ZEB1: variants seen among roughly 807,000 people sequenced by gnomAD.
ZEB1 encodes zinc finger E-box-binding homeobox 1.
ZEB1 carries 21 observed loss-of-function variants against 84.9 expected under a neutral mutation model. The ratio of observed to expected loss-of-function variants is 0.25; its 90% confidence interval spans 0.18 to 0.36. ZEB1 has a LOEUF of 0.36. ZEB1 is among the 10% of genes least tolerant of loss of function. The pLI, the probability that ZEB1 is intolerant of heterozygous loss-of-function variation, is 1.00. For missense variants in ZEB1, 1,104 were observed against 1,330.2 expected (o/e 0.83, Z 2.65); for synonymous variants, 420 against 471.1 (o/e 0.89, Z 1.41).
At chr10:31,351,155 G>T (rs1220374020) in intron 1 of ZEB1, among the ~76,000 whole-genome samples, 1 of 152,096 alleles carries the variant, frequency 6.6e-6, no homozygotes, top group Non-Finnish European at 1.5e-5. Context: ...AGAGAATTAA[G>T]AATCTGTCTT....
intron 1 of ZEB1, among the ~76,000 whole-genome samples, chr10:31,329,067 A>G (rs996906547): frequency 1.3e-5 from 2 of 152,198 alleles, no homozygotes; most frequent in East Asian, 1.9e-4. Flanking sequence ...ACCACTATGC[A>G]TGTACATTTT....
chr10:31,319,899 G>GGCGGCC (rs2033328968), intron 1 of ZEB1: 2 of 146,762 alleles, frequency 1.4e-5, no homozygotes, highest in African/African-American at 2.5e-5. Flanking sequence ...GGCGGGCTGC[G>GGCGGCC]GCGGCGGCGG....
chr10:31,365,953 G>GCCT (rs1195404327), intron 1 of ZEB1, among the ~76,000 whole-genome samples: 1 of 152,178 alleles, frequency 6.6e-6, no homozygotes, highest in Non-Finnish European at 1.5e-5. Flanking sequence ...AAACCGTTTT[G>GCCT]CCTCTTCTTT....
At chr10:31,458,583 G>T (rs544589900) in intron 1 of ZEB1, among the ~76,000 whole-genome samples, 2 of 151,820 alleles carry the variant, frequency 1.3e-5, no homozygotes, top group East Asian at 3.9e-4. Flanking sequence ...TTTCTTTATT[G>T]TATTGATATA....
chr10:31,323,804 A>G (rs2133028921), intron 1 of ZEB1, among the ~76,000 whole-genome samples: 1 of 152,134 alleles, frequency 6.6e-6, no homozygotes, highest in South Asian at 2.1e-4. Flanking sequence ...GTAGAACATT[A>G]GAAGTATTTA....
chr10:31,369,884 T>G (rs1410614707), intron 1 of ZEB1, among the ~76,000 whole-genome samples: 1 of 152,240 alleles, frequency 6.6e-6, no homozygotes, highest in Non-Finnish European at 1.5e-5. Context: ...TTTCATCTTT[T>G]TGATAAAAGC....
rs1287568889 is a variant in ZEB1 at position 31,358,027 on chromosome 10, C to G, written c.58+38735C>G. The G allele has an allele frequency of 2.0e-5, 3 of 152,084 alleles. No homozygotes were observed. In the East Asian group the frequency reaches 5.8e-4, roughly 29 times the overall value. 9.4% of individuals were successfully genotyped at this position (152,084 alleles called of 1,614,324 possible). A position where few individuals can be genotyped will look rare whatever the true frequency, so the allele number is the denominator to read the frequency against. On this transcript the variant is annotated intron_variant, in intron 1 of 8. Transcript: ENST00000424869. ...TGAGAAGTCCTTATGCACTCCTGCC[C>G]CCAACTTGCTCCTTATTGTCCTAAA...
intron 1 of ZEB1, among the ~76,000 whole-genome samples, chr10:31,384,798 A>T (rs1462287967): frequency 2.0e-5 from 3 of 152,180 alleles, no homozygotes; most frequent in African/African-American, 7.2e-5. Context: ...TCCTCTGTCT[A>T]GGGAGTTTGT....
At chr10:31,382,682 G>A (rs147517792) in intron 1 of ZEB1, among the ~76,000 whole-genome samples, 44 of 152,164 alleles carry the variant, frequency 2.9e-4, no homozygotes, top group Admixed American at 5.2e-4. Flanking sequence ...AACTCACCCA[G>A]AAGATACTTG....
At chr10:31,329,365 C>T (rs984714304) in intron 1 of ZEB1, among the ~76,000 whole-genome samples, 2 of 152,080 alleles carry the variant, frequency 1.3e-5, no homozygotes, top group African/African-American at 4.8e-5. Context: ...TTTTGTATTG[C>T]TGAGTAGTAT....
intron 1 of ZEB1, among the ~76,000 whole-genome samples, chr10:31,359,808 C>G (rs573888186): frequency 1.4e-3 from 218 of 152,212 alleles, no homozygotes; most frequent in Non-Finnish European, 2.0e-3. Context: ...TCTTTGATTG[C>G]TAGAATAGTT....
rs116534030 is a variant in ZEB1 at position 31,428,024 on chromosome 10, G to A, written c.59-33013G>A. 8.7e-3 allele frequency among the ~76,000 whole-genome samples: 1,325 copies of A among 152,178 alleles called. 11 individuals are homozygous for A. Among genetic ancestry groups the A allele is most frequent in the African/African-American group, 0.03 (1,260 of 41,480 alleles). On this transcript the variant is annotated intron_variant, in intron 1 of 8. Transcript: ENST00000424869. Reference sequence around the variant, plus strand: ...TTTTTTTCAAAAAAACTAGCTCCTGGATTCGTTGATCTTTTGAATGTTTTT... The same window carrying A: ...TTTTTTTCAAAAAAACTAGCTCCTGAATTCGTTGATCTTTTGAATGTTTTT...
At chr10:31,398,809 C>G (rs1382492330) in intron 1 of ZEB1, among the ~76,000 whole-genome samples, 2 of 152,000 alleles carry the variant, frequency 1.3e-5, no homozygotes, top group African/African-American at 4.8e-5. Context: ...TCCTACCCCT[C>G]TGGCTGCTGC....
At chr10:31,456,068 T>C (rs1408156591) in intron 1 of ZEB1, among the ~76,000 whole-genome samples, 2 of 152,228 alleles carry the variant, frequency 1.3e-5, no homozygotes, top group African/African-American at 4.8e-5. Context: ...CATGAAATAC[T>C]ATGCAGCCCT....
At chr10:31,472,383 C>T (rs2063396779) in intron 2 of ZEB1, among the ~76,000 whole-genome samples, 1 of 152,122 alleles carries the variant, frequency 6.6e-6, no homozygotes, top group African/African-American at 2.4e-5. Context: ...GATATCACCA[C>T]CGATCCCACA....
intron 1 of ZEB1, among the ~76,000 whole-genome samples, chr10:31,343,155 T>C (rs561264292): frequency 1.3e-5 from 2 of 152,308 alleles, no homozygotes; most frequent in Non-Finnish European, 2.9e-5. Flanking sequence ...TGAATGGTTT[T>C]GTTTCATGAA....
intron 1 of ZEB1, among the ~76,000 whole-genome samples, chr10:31,423,702 C>G (rs541302958): frequency 2.6e-5 from 4 of 152,098 alleles, no homozygotes; most frequent in Admixed American, 1.3e-4. Flanking sequence ...GAAAAGCTGG[C>G]TATATAGCAA....
chr10:31,505,303 A>G (rs1357832840), intron 4 of ZEB1, among the ~76,000 whole-genome samples: 2 of 152,148 alleles, frequency 1.3e-5, no homozygotes, highest in African/African-American at 4.8e-5. Flanking sequence ...ATGGACTTAT[A>G]GAATGAAGTA....
intron 1 of ZEB1, among the ~76,000 whole-genome samples, chr10:31,335,166 T>C (rs373475142): frequency 6.6e-6 from 1 of 152,262 alleles, no homozygotes; most frequent in African/African-American, 2.4e-5. Context: ...AAATATTAAA[T>C]GGAAAATTCA....
Sources: allele counts gnomAD v4.1 joint callset (sites outside exome capture counted in the v4.1 genomes callset), GRCh38; gene constraint gnomAD v4.1.1; transcripts MANE v1.5; gene names NCBI Gene and HGNC (gene_info 2026-07-23, HGNC 2026-07-21).